The following PPARGC1A variants were observed in gnomAD, a reference collection of about 807,000 sequenced individuals.
PPARGC1A encodes the protein PPARG coactivator 1 alpha.
Under a neutral mutation model 88.7 loss-of-function variants are expected in PPARGC1A, and 25 were observed. That is an observed-to-expected ratio of 0.28 (90% CI 0.21 to 0.39). The LOEUF (loss-of-function observed/expected upper bound fraction) is 0.39, where lower values mean the gene tolerates loss of function less well. Among genes scored for constraint, PPARGC1A ranks in the 10% least tolerant of loss-of-function variants. PPARGC1A has a pLI of 1.00. For synonymous variants in PPARGC1A, 363 were observed against 355.6 expected, an observed-to-expected ratio of 1.02 and a Z score of -0.24; for missense variants, 880 against 968.7, an observed-to-expected ratio of 0.91 and a Z score of 1.22.
At chr4:24,448,732 T>G in the PPARGC1A span, among the ~76,000 whole-genome samples, 1 of 152,168 alleles carries the variant, frequency 6.6e-6, no homozygotes, top group Non-Finnish European at 1.5e-5. Flanking sequence ...GGAGACCTCC[T>G]GTGACCACCC....
chr4:23,971,403 G>C, the PPARGC1A span, among the ~76,000 whole-genome samples: 30 of 152,248 alleles, frequency 2.0e-4, no homozygotes, highest in African/African-American at 6.5e-4. Context: ...GTTCTCTAGA[G>C]GGACACAACT....
the PPARGC1A span, among the ~76,000 whole-genome samples, chr4:24,227,755 C>T: frequency 6.6e-6 from 1 of 152,114 alleles, no homozygotes; most frequent in Non-Finnish European, 1.5e-5. Context: ...TTCCAGCATC[C>T]TCATTACCTG....
At chr4:24,161,864 T>C in the PPARGC1A span, among the ~76,000 whole-genome samples, 9 of 151,706 alleles carry the variant, frequency 5.9e-5, no homozygotes, top group South Asian at 2.1e-4. Context: ...TAAAAAGTAA[T>C]GGCACACACA....
chr4:24,350,120 C>T, the PPARGC1A span, among the ~76,000 whole-genome samples: 1 of 152,212 alleles, frequency 6.6e-6, no homozygotes. Flanking sequence ...CCCTTTCCCA[C>T]TTCTGCAGTT....
chr4:23,977,935 T>C, the PPARGC1A span, among the ~76,000 whole-genome samples: 1 of 152,202 alleles, frequency 6.6e-6, no homozygotes, highest in Non-Finnish European at 1.5e-5. Flanking sequence ...GTCTTCTGTT[T>C]TCAGAAACTA....
the PPARGC1A span, among the ~76,000 whole-genome samples, chr4:23,911,352 T>G: frequency 6.6e-6 from 1 of 152,104 alleles, no homozygotes; most frequent in African/African-American, 2.4e-5. Flanking sequence ...ATAAACAAAA[T>G]AGAATCTATC....
chr4:24,327,560 CA>C, the PPARGC1A span, among the ~76,000 whole-genome samples: 1 of 152,082 alleles, frequency 6.6e-6, no homozygotes, highest in Non-Finnish European at 1.5e-5. Context: ...TCAATTCATA[CA>C]AAACCGTATC....
chr4:23,877,238 C>CG (rs1202198211), intron 2 of PPARGC1A, among the ~76,000 whole-genome samples: 1 of 151,634 alleles, frequency 6.6e-6, no homozygotes, highest in African/African-American at 2.4e-5. Context: ...AAAAGGAGGC[C>CG]GGGTGCAGTG....
the PPARGC1A span, among the ~76,000 whole-genome samples, chr4:24,441,509 A>G: frequency 1.3e-5 from 2 of 152,288 alleles, no homozygotes. Context: ...GGGAAGAGGT[A>G]CCACCCGGAA....
the PPARGC1A span, among the ~76,000 whole-genome samples, chr4:24,238,743 ATATGTGTGTGTGTGTG>A: frequency 1.3e-3 from 154 of 118,644 alleles, 2 homozygotes; most frequent in African/African-American, 3.8e-3. Flanking sequence ...CCAAGGTTGT[ATATGTGTGTGTGTGTG>A]TGTGTGTGTG....
the PPARGC1A span, among the ~76,000 whole-genome samples, chr4:24,358,546 C>T: frequency 3.3e-5 from 5 of 152,248 alleles, no homozygotes; most frequent in Non-Finnish European, 5.9e-5. Context: ...CTCAGTATCA[C>T]TTCTACCCAA....
the PPARGC1A span, among the ~76,000 whole-genome samples, chr4:24,369,859 G>A: frequency 3.9e-5 from 6 of 152,216 alleles, no homozygotes; most frequent in African/African-American, 1.2e-4. Context: ...GGCAAGTCAC[G>A]ATCACATCCT....
chr4:24,345,352 T>C, the PPARGC1A span, among the ~76,000 whole-genome samples: 2,956 of 152,268 alleles, frequency 0.019, 42 homozygotes, highest in Middle Eastern at 0.061. Flanking sequence ...CTTTTGGCAG[T>C]ATGGTCATTT....
At chr4:23,888,494 C>T (rs972531851) in intron 1 of PPARGC1A, among the ~76,000 whole-genome samples, 2 of 152,168 alleles carry the variant, frequency 1.3e-5, no homozygotes, top group Non-Finnish European at 2.9e-5. Context: ...CAGGACACTC[C>T]GGCTACTCAA....
chr4:23,948,222 G>A, the PPARGC1A span, among the ~76,000 whole-genome samples: 622 of 152,202 alleles, frequency 4.1e-3, 3 homozygotes, highest in Middle Eastern at 0.02. Context: ...ATAAAACACC[G>A]TTGCTTCCCT....
chr4:23,837,432 A>T (rs1726222594), intron 2 of PPARGC1A, among the ~76,000 whole-genome samples: 1 of 151,012 alleles, frequency 6.6e-6, no homozygotes, highest in Admixed American at 6.6e-5. Context: ...GAATTCTTCA[A>T]GAAGGTGTTC....
the PPARGC1A span, among the ~76,000 whole-genome samples, chr4:24,003,227 G>C: frequency 1.3e-5 from 2 of 152,130 alleles, no homozygotes; most frequent in South Asian, 4.1e-4. Flanking sequence ...CTCTAATCCA[G>C]AGTGCAATAT....
At chr4:24,023,781 A>G in the PPARGC1A span, among the ~76,000 whole-genome samples, 1 of 152,176 alleles carries the variant, frequency 6.6e-6, no homozygotes, top group African/African-American at 2.4e-5. Flanking sequence ...GTCCAGAGGC[A>G]TTAATAACCC....
chr4:24,363,532 T>G, the PPARGC1A span, among the ~76,000 whole-genome samples: 2 of 152,126 alleles, frequency 1.3e-5, no homozygotes, highest in Non-Finnish European at 2.9e-5. Context: ...AAAAACACAG[T>G]GGGTGTAAGG....
Sources: gnomAD v4.1 joint callset for allele counts (sites outside exome capture counted in the v4.1 genomes callset) on GRCh38, gnomAD v4.1.1 for gene constraint, MANE v1.5 for transcripts, NCBI Gene and HGNC (gene_info 2026-07-23, HGNC 2026-07-21) for gene names.